BSG: variants seen among roughly 807,000 people sequenced by gnomAD.
BSG encodes basigin.
In BSG, 37 loss-of-function variants were observed where a neutral mutation model predicts 43.1. The observed-to-expected ratio is 0.86, with a 90% CI of 0.66 to 1.13. BSG has a LOEUF of 1.13. BSG is among the 50% of genes most tolerant of loss of function. The probability of loss-of-function intolerance (pLI) is 0.00; values close to 1 mark genes in which losing one functional copy is unlikely to be tolerated. For missense variants in BSG, 599 were observed against 554.2 expected, an observed-to-expected ratio of 1.08 and a Z score of -0.81; for synonymous variants, 309 against 238.7, an observed-to-expected ratio of 1.29 and a Z score of -2.72.
intron 2 of BSG, 180 bp from the exon 3 acceptor site, chr19:579,320 C>T: frequency 2.4e-6 from 2 of 849,042 alleles, no homozygotes; most frequent in Non-Finnish European, 3.8e-6. Flanking sequence ...TCTTCCCTTC[C>T]CGGAGGCGTG....
intron 1 of BSG, among the ~76,000 whole-genome samples, chr19:577,390 C>T (rs1044806307): frequency 2.0e-5 from 3 of 152,174 alleles, no homozygotes; most frequent in African/African-American, 7.2e-5. Context: ...CTCAGCAGCT[C>T]ACCCGGGTCT....
At position 579,125 on chromosome 19, in the gene BSG, C is replaced by T. The variant is rs141583892; in HGVS notation, c.416-375C>T. The T allele has an allele frequency of 9.4e-4, 439 of 468,778 alleles. 1 individual carries two copies. Among genetic ancestry groups the T allele is most frequent in the African/African-American group, 7.8e-3 (397 of 50,804 alleles). 29.0% of individuals were successfully genotyped at this position (468,778 alleles called of 1,614,324 possible). A position where few individuals can be genotyped will look rare whatever the true frequency, so the allele number is the denominator to read the frequency against. On this transcript the variant is annotated intron_variant, in intron 2 of 8. Coordinates refer to ENST00000333511, the MANE Select transcript of BSG (RefSeq NM_001728.4). ...CGATGCCCTGGTCCCTGCTCAGGGA[C>T]GTGGGTGGGTGCCTTGTCTGTCCCC...
At chr19:581,713 G>A (rs946225638) in intron 6 of BSG, 122 bp downstream of exon 6, 30 of 1,300,560 alleles carry the variant, frequency 2.3e-5, no homozygotes, top group African/African-American at 3.0e-5. Context: ...CCCAGGCAGG[G>A]AGTTGATGGG....
At position 578,078 on chromosome 19, in the gene BSG, G is replaced by C; in HGVS notation, c.372G>C (p.Arg124Ser). 6.2e-7 allele frequency: 1 copy of C among 1,603,940 alleles called. No individual in the cohort carries two copies. The highest frequency in any genetic ancestry group is 8.5e-7 in the Non-Finnish European group (1 of 1,174,478). Residue 124 changes from arginine (R) to serine (S), a missense_variant, in exon 2 of 9, where the codon AGG becomes AGC. Coordinates refer to ENST00000333511, the MANE Select transcript of BSG (RefSeq NM_001728.4). ...PDRNHLTRAP[R>S]VKWVRAQAVV... ...GCAACCACCTGACCCGGGCGCCCAGGGTCAAGTGGGTCCGCGCCCAGGCAG... is the reference window on the plus strand; with the variant it reads ...GCAACCACCTGACCCGGGCGCCCAGCGTCAAGTGGGTCCGCGCCCAGGCAG...
At chr19:582,489 TC>T (rs1318151266) in intron 7 of BSG, 24 bp from the exon 8 acceptor site, 1 of 1,605,814 alleles carries the variant, frequency 6.2e-7, no homozygotes, top group African/African-American at 1.3e-5. Flanking sequence ...GGGGACACCC[TC>T]TCACCCGGCC....
rs1249133211 is a variant in BSG, at chr19:582,578, G to A, written c.*1G>A. 6 of 1,595,258 alleles carry A rather than the reference G, an allele frequency of 3.8e-6. No individual in the cohort carries two copies. The Admixed American group carries it at 5.2e-5, about 14-fold the overall frequency. ...CGTCCGCCAGAGGAACTCTTCCTGA[G>A]GCAGGTGCGGTGGGCGGGAGCTCCT... On this transcript the variant is annotated 3_prime_UTR_variant, in exon 8 of 9. Transcript: ENST00000333511.
intron 5 of BSG, 62 bp from the exon 6 acceptor site, chr19:581,253 A>C (rs113033881): frequency 0.025 from 30,734 of 1,252,314 alleles, 794 homozygotes; most frequent in South Asian, 0.046. Context: ...CTCAGCCCTC[A>C]GGACTGGGTG....
intron 6 of BSG, 50 bp downstream of exon 6, chr19:581,641 G>A (rs1435330738): frequency 3.3e-6 from 5 of 1,515,594 alleles, no homozygotes; most frequent in Non-Finnish European, 4.4e-6. Flanking sequence ...GGGTGGCCCA[G>A]GGCCACTCCT....
At chr19:573,645 A>G (rs1303931505) in intron 1 of BSG, among the ~76,000 whole-genome samples, 1 of 152,076 alleles carries the variant, frequency 6.6e-6, no homozygotes, top group African/African-American at 2.4e-5. Context: ...GTGGTCTCTG[A>G]ACGCCCCTCC....
chr19:580,263 TGACTG>T (rs1982164183), intron 3 of BSG, 111 bp from the exon 4 acceptor site: 2 of 905,980 alleles, frequency 2.2e-6, no homozygotes, highest in Non-Finnish European at 3.4e-6. Flanking sequence ...GGTTCAGACT[TGACTG>T]GGACAGTTTT....
chr19:579,708 T>C (rs1982117889), intron 3 of BSG, 52 bp downstream of exon 3: 1 of 1,558,764 alleles, frequency 6.4e-7, no homozygotes, highest in Non-Finnish European at 8.7e-7. Context: ...ACGGCTCTCT[T>C]GCCGCCAGCG....
chr19:571,799 G>C, upstream of BSG: 1 of 585,148 alleles, frequency 1.7e-6, no homozygotes, highest in Non-Finnish European at 3.1e-6. Flanking sequence ...GGCTGGGGTT[G>C]GACGCCCACA....
chr19:579,404 C>A, intron 2 of BSG, 96 bp from the exon 3 acceptor site: 1 of 1,533,088 alleles, frequency 6.5e-7, no homozygotes, highest in Non-Finnish European at 8.9e-7. Context: ...GAAAACCAGT[C>A]CTTCCCGGGG....
chr19:576,748 C>CA (rs140723018), intron 1 of BSG, among the ~76,000 whole-genome samples: 86 of 122,224 alleles, frequency 7.0e-4, no homozygotes, highest in Non-Finnish European at 9.5e-4. Context: ...GACTCTGTCT[C>CA]AAAAAAAAAA....
At chr19:579,835 C>G (rs1219828283) in intron 3 of BSG, 179 bp downstream of exon 3, 1 of 955,206 alleles carries the variant, frequency 1.0e-6, no homozygotes, top group African/African-American at 1.7e-5. Flanking sequence ...GAGGGGCGTC[C>G]TTGTGAGGCA....
intron 1 of BSG, among the ~76,000 whole-genome samples, chr19:574,294 C>T (rs1404017529): frequency 2.0e-5 from 3 of 151,102 alleles, no homozygotes; most frequent in East Asian, 1.9e-4. Context: ...TGGCTCACGC[C>T]TGTAATCCCA....
intron 6 of BSG, 72 bp from the exon 7 acceptor site, chr19:582,234 G>A (rs554598015): frequency 4.6e-5 from 73 of 1,586,414 alleles, no homozygotes; most frequent in Admixed American, 1.9e-4. Flanking sequence ...GCCCCTGCTC[G>A]GGGCCTGAGT....
intron 1 of BSG, chr19:575,025 GGTTCACA>G (rs1245452190): frequency 6.6e-6 from 1 of 152,294 alleles, no homozygotes; most frequent in Non-Finnish European, 1.5e-5. Context: ...TGGGTAGGGT[GGTTCACA>G]GTTTTGTTCC....
intron 1 of BSG, among the ~76,000 whole-genome samples, chr19:573,509 G>A (rs937022324): frequency 2.6e-5 from 4 of 152,190 alleles, no homozygotes; most frequent in Non-Finnish European, 4.4e-5. Context: ...CTTGCCTAGG[G>A]CGTGCACCTG....
Sources: gnomAD v4.1 joint callset for allele counts (sites outside exome capture counted in the v4.1 genomes callset) on GRCh38, gnomAD v4.1.1 for gene constraint, MANE v1.5 for transcripts, NCBI Gene and HGNC (gene_info 2026-07-23, HGNC 2026-07-21) for gene names.